The following BMP3 variants were observed in gnomAD, a reference collection of about 807,000 sequenced individuals.
BMP3 encodes bone morphogenetic protein 3.
A neutral mutation model predicts 38.1 loss-of-function variants in BMP3; 23 were observed. The observed-to-expected ratio is 0.60, with a 90% CI of 0.43 to 0.86. The LOEUF (loss-of-function observed/expected upper bound fraction) is 0.86, where lower values mean the gene tolerates loss of function less well. BMP3 is among the 40% of genes least tolerant of loss of function. The pLI is 0.00. For synonymous variants in BMP3, 258 were observed against 225.7 expected (o/e 1.14, Z -1.28); for missense variants, 628 against 579.6 (o/e 1.08, Z -0.86).
Position 81,046,269 on chromosome 4 carries a change from T to C in BMP3, c.848T>C (p.Ile283Thr), listed in dbSNP as rs138982746. ...WDSHIRAALS[I>T]ERRKKRSTGV... ...AGCCACATCAGAGCTGCCCTTTCCA[T>C]TGAGCGGAGGAAGAAGCGCTCTACT... Residue 283 changes from isoleucine to threonine, a missense_variant, in exon 2 of 3, where the codon ATT becomes ACT. Ile to Thr is a moderately conservative substitution (Grantham distance 89). Coordinates refer to ENST00000282701, the MANE Select transcript of BMP3 (RefSeq NM_001201.5). The C allele has an allele frequency of 5.5e-5, 88 of 1,614,000 alleles. 1 individual carries two copies. Among genetic ancestry groups the C allele is most frequent in the South Asian group, 2.7e-4 (25 of 91,078 alleles).
intron 1 of BMP3, among the ~76,000 whole-genome samples, chr4:81,042,845 G>A (rs1374531016): frequency 6.6e-6 from 1 of 152,100 alleles, no homozygotes; most frequent in Non-Finnish European, 1.5e-5. Flanking sequence ...GCTACTACAC[G>A]AAATTTGGGT....
chr4:81,041,578 C>G (rs1225332363), intron 1 of BMP3, among the ~76,000 whole-genome samples: 1 of 152,136 alleles, frequency 6.6e-6, no homozygotes, highest in Admixed American at 6.5e-5. Context: ...CTTTGGTTAG[C>G]CTTCAGATTG....
chr4:81,053,610 T>TTG lies in BMP3; in HGVS notation c.*75_*76insGT, dbSNP rs1740461768. The TTG allele has an allele frequency of 3.7e-6, 3 of 811,856 alleles. No homozygotes were observed. The highest frequency in any genetic ancestry group is 3.7e-5 in the South Asian group (1 of 26,996). The allele number at this position is 811,856 out of a possible 1,614,324, so 50.3% of individuals were successfully genotyped here. The stretch of plus-strand genomic sequence containing the variant: ...TTATGGACTTCTTCCTGTTTTTTTT[T>TTG]TTTTTTTTTTTGCACTGCCAATGCA... On this transcript the variant is annotated 3_prime_UTR_variant, in exon 3 of 3. Transcript: ENST00000282701.
intron 1 of BMP3, among the ~76,000 whole-genome samples, chr4:81,043,325 A>T (rs1740136422): frequency 6.6e-6 from 1 of 152,146 alleles, no homozygotes; most frequent in Admixed American, 6.6e-5. Context: ...CCTATTAATA[A>T]ATCTCTCATT....
intron 2 of BMP3, among the ~76,000 whole-genome samples, chr4:81,048,389 C>T (rs1381633651): frequency 6.6e-6 from 1 of 152,106 alleles, no homozygotes; most frequent in Admixed American, 6.6e-5. Flanking sequence ...CCAAATAATC[C>T]CTCTCACTTA....
rs190530354 is a variant in BMP3, at chr4:81,032,340, G to T, written c.316+740G>T. 1.1e-3 allele frequency among the ~76,000 whole-genome samples: 166 copies of T among 152,176 alleles called. 1 individual carries two copies. Among genetic ancestry groups the T allele is most frequent in the Middle Eastern group, 0.01 (3 of 294 alleles). On this transcript the variant is annotated intron_variant, in intron 1 of 2. Coordinates refer to ENST00000282701, the MANE Select transcript of BMP3 (RefSeq NM_001201.5). ...CAACCCTGGATGTAAACACCTCTTGGAATCTGCCCAAGAAAATCTGCTCAT... is the reference window on the plus strand; with the variant it reads ...CAACCCTGGATGTAAACACCTCTTGTAATCTGCCCAAGAAAATCTGCTCAT...
intron 1 of BMP3, among the ~76,000 whole-genome samples, chr4:81,039,770 T>C (rs962299287): frequency 6.6e-6 from 1 of 152,160 alleles, no homozygotes; most frequent in Non-Finnish European, 1.5e-5. Flanking sequence ...TGCTCATGCA[T>C]ATAAAAAAAG....
At chr4:81,050,837 T>G (rs1740383944) in intron 2 of BMP3, among the ~76,000 whole-genome samples, 1 of 152,078 alleles carries the variant, frequency 6.6e-6, no homozygotes, top group South Asian at 2.1e-4. Flanking sequence ...CATTAGTAAT[T>G]GATATATTAA....
intron 1 of BMP3, among the ~76,000 whole-genome samples, chr4:81,042,195 T>C (rs1740096115): frequency 6.6e-6 from 1 of 152,216 alleles, no homozygotes; most frequent in Admixed American, 6.5e-5. Context: ...CGATATCTTA[T>C]ATTCATTTTC....
In BMP3 at chr4:81,031,283, C is replaced by T. The variant is rs745843511; in HGVS notation, c.-2C>T. Reference sequence around the variant, plus strand: ...GCCGACGCGCCGCGCGGGTACCTAGCCATGGCTGGGGCGAGCAGGCTGCTC... The same window carrying T: ...GCCGACGCGCCGCGCGGGTACCTAGTCATGGCTGGGGCGAGCAGGCTGCTC... On this transcript the variant is annotated 5_prime_UTR_variant, in exon 1 of 3. Transcript: ENST00000282701. 6.3e-7 allele frequency: 1 copy of T among 1,595,764 alleles called. No individual in the cohort carries two copies. The highest frequency in any genetic ancestry group is 2.3e-5 in the East Asian group (1 of 44,244).
intron 1 of BMP3, among the ~76,000 whole-genome samples, chr4:81,038,442 C>G (rs1157118820): frequency 6.6e-6 from 1 of 152,104 alleles, no homozygotes; most frequent in Non-Finnish European, 1.5e-5. Flanking sequence ...CTAAATACTT[C>G]AGTTGAGTTG....
In BMP3 at chr4:81,033,342, C is replaced by A. The variant is rs536064848; in HGVS notation, c.316+1742C>A. On this transcript the variant is annotated intron_variant, in intron 1 of 2. Coordinates refer to ENST00000282701, the MANE Select transcript of BMP3 (RefSeq NM_001201.5). The stretch of plus-strand genomic sequence containing the variant: ...GATAAAGATTTTAACAACTCAGGCA[C>A]CATATTCTTTTTGGCTTCAACTCAT... 9.3e-4 allele frequency among the ~76,000 whole-genome samples: 141 copies of A among 152,238 alleles called. 1 individual carries two copies. The highest frequency in any genetic ancestry group is 2.9e-3 in the South Asian group (14 of 4,824).
chr4:81,031,468 C>T lies in BMP3; in HGVS notation c.184C>T (p.Arg62Trp), dbSNP rs564367750. 6.2e-7 allele frequency: 1 copy of T among 1,613,456 alleles called. No individual in the cohort carries two copies. The highest frequency in any genetic ancestry group is 1.1e-5 in the South Asian group (1 of 90,954). The change falls in exon 1 of 3, where the codon CGG (arginine) becomes TGG (tryptophan). Residue 62 changes from arginine (R) to tryptophan (W), a missense_variant. Physicochemically the swap from Arg to Trp is moderately radical, Grantham distance 101. Coordinates refer to ENST00000282701, the MANE Select transcript of BMP3 (RefSeq NM_001201.5). ...AGACAAGGTCTCTGAACACATGCTGCGGCTCTATGACAGGTACAGCACGGT... is the reference window on the plus strand; with the variant it reads ...AGACAAGGTCTCTGAACACATGCTGTGGCTCTATGACAGGTACAGCACGGT... ...PQDKVSEHML[R>W]LYDRYSTVQA...
In BMP3 at chr4:81,046,613, T is replaced by G; in HGVS notation, c.1192T>G (p.Tyr398Asp). 3 of 1,613,928 alleles carry G rather than the reference T, an allele frequency of 1.9e-6. No individual in the cohort carries two copies. The highest frequency in any genetic ancestry group is 2.5e-6 in the Non-Finnish European group (3 of 1,179,896). Residue 398 changes from tyrosine to aspartate, a missense_variant, in exon 2 of 3, where the codon TAT becomes GAT. Physicochemically the swap from Tyr to Asp is radical, Grantham distance 160 (BLOSUM62 -3). Coordinates refer to ENST00000282701, the MANE Select transcript of BMP3 (RefSeq NM_001201.5). ...IISPKSFDAY[Y>D]CSGACQFPMP... ...CTCCCCCAAGTCCTTTGATGCCTATTATTGCTCTGGAGCATGCCAGTTCCC... is the reference window on the plus strand; with the variant it reads ...CTCCCCCAAGTCCTTTGATGCCTATGATTGCTCTGGAGCATGCCAGTTCCC...
chr4:81,046,712 A>T, intron 2 of BMP3, 64 bp downstream of exon 2: 1 of 1,509,706 alleles, frequency 6.6e-7, no homozygotes, highest in African/African-American at 1.4e-5. Flanking sequence ...CACATTGACT[A>T]AGTTAGTGTG....
At chr4:81,045,489 C>T (rs901268442) in intron 1 of BMP3, among the ~76,000 whole-genome samples, 1 of 151,878 alleles carries the variant, frequency 6.6e-6, no homozygotes, top group Admixed American at 6.6e-5. Flanking sequence ...ATAAATTTAC[C>T]GATTTTATTG....
chr4:81,045,824 T>C lies in BMP3; in HGVS notation c.403T>C (p.Cys135Arg). Residue 135 changes from cysteine (C) to arginine (R), a missense_variant, in exon 2 of 3, where the codon TGT (cysteine) becomes CGT (arginine). By Grantham distance (180) the Cys-to-Arg change is radical (BLOSUM62 -3). Coordinates refer to ENST00000282701, the MANE Select transcript of BMP3 (RefSeq NM_001201.5). ...ENILSATLYF[C>R]IGELGNISLS... ...CATTTTGTCTGCCACACTGTATTTC[T>C]GTATTGGAGAGCTAGGAAACATCAG... The C allele has an allele frequency of 6.2e-7, 1 of 1,614,114 alleles. No homozygotes were observed. Among genetic ancestry groups the C allele is most frequent in the Non-Finnish European group, 8.5e-7 (1 of 1,179,986 alleles).
intron 1 of BMP3, among the ~76,000 whole-genome samples, chr4:81,031,887 C>A (rs1402487247): frequency 6.6e-6 from 1 of 151,990 alleles, no homozygotes; most frequent in Non-Finnish European, 1.5e-5. Flanking sequence ...AGGGAAGGGG[C>A]GACACCCCAT....
At chr4:81,043,426 T>C (rs1740140208) in intron 1 of BMP3, among the ~76,000 whole-genome samples, 2 of 152,198 alleles carry the variant, frequency 1.3e-5, no homozygotes, top group South Asian at 4.1e-4. Context: ...GAAAGTTAAC[T>C]CTTAAATTTA....
Sources: allele counts gnomAD v4.1 joint callset (sites outside exome capture counted in the v4.1 genomes callset), GRCh38; gene constraint gnomAD v4.1.1; transcripts MANE v1.5; gene names NCBI Gene and HGNC (gene_info 2026-07-23, HGNC 2026-07-21).